KLHL24: variants seen among roughly 807,000 people sequenced by gnomAD.
KLHL24 encodes the protein kelch like family member 24.
Under a neutral mutation model 53.4 loss-of-function variants are expected in KLHL24, and 29 were observed. That is an observed-to-expected ratio of 0.54 (90% CI 0.40 to 0.74). The LOEUF (loss-of-function observed/expected upper bound fraction) is 0.74. Among genes scored for constraint, KLHL24 ranks in the 30% least tolerant of loss-of-function variants. The probability of loss-of-function intolerance (pLI) is 0.00; values close to 1 mark genes in which losing one functional copy is unlikely to be tolerated. For synonymous variants in KLHL24, 222 were observed against 253.7 expected (o/e 0.88, Z 1.19); for missense variants, 504 against 744.0 (o/e 0.68, Z 3.75).
intron 1 of KLHL24, among the ~76,000 whole-genome samples, chr3:183,636,861 G>A (rs927291157): frequency 9.2e-5 from 14 of 152,058 alleles, no homozygotes; most frequent in Middle Eastern, 3.2e-3. Flanking sequence ...CGGGCGGCTG[G>A]TAGCCTCGGT....
intron 1 of KLHL24, among the ~76,000 whole-genome samples, chr3:183,639,533 G>C (rs1715984349): frequency 6.6e-6 from 1 of 151,084 alleles, no homozygotes; most frequent in Non-Finnish European, 1.5e-5. Context: ...GGGAGGCTGA[G>C]GCAGGAGAAT....
chr3:183,662,638 G>A (rs1220055161), intron 3 of KLHL24, among the ~76,000 whole-genome samples: 4 of 152,136 alleles, frequency 2.6e-5, no homozygotes, highest in Non-Finnish European at 5.9e-5. Context: ...AGAGAAGCCA[G>A]TGATTAACAG....
rs1463744042 is a variant in KLHL24, at chr3:183,650,477, G to T, written c.121G>T (p.Asp41Tyr). ...PKSLTGHEFF[D>Y]FSSGSSHAEN... ...ATCTCTGACAGGTCATGAGTTTTTT[G>T]ACTTCTCTTCAGGATCATCCCATGC... The change falls in exon 3 of 8, where the codon GAC becomes TAC. Residue 41 changes from aspartate (D) to tyrosine (Y), a missense_variant. By Grantham distance (160) the Asp-to-Tyr change is radical. Coordinates refer to ENST00000242810, the MANE Select transcript of KLHL24 (RefSeq NM_017644.3). The surrounding 1 kb of genome is among the most constrained non-coding windows in gnomAD (Gnocchi z 4.5). The T allele has an allele frequency of 3.1e-6, 5 of 1,614,034 alleles. No homozygotes were observed. Among genetic ancestry groups the T allele is most frequent in the South Asian group, 2.2e-5 (2 of 91,076 alleles).
At chr3:183,654,285 A>T (rs1359836481) in intron 3 of KLHL24, among the ~76,000 whole-genome samples, 1 of 151,856 alleles carries the variant, frequency 6.6e-6, no homozygotes, top group African/African-American at 2.4e-5. Flanking sequence ...TTACTCCTAC[A>T]TCTAGTCTGA....
rs200091298 is a variant in KLHL24, at chr3:183,669,326, T to C, written c.1225-1708T>C. 1.2e-4 allele frequency among the ~76,000 whole-genome samples: 18 copies of C among 152,154 alleles called. No homozygotes were observed. The East Asian group carries it at 3.3e-3, about 28-fold the overall frequency. ...GAGATCACGCCATTGCACTCCAGCCTGGGCAACAAGAGCGAAACTCCGCCT... is the reference window on the plus strand; with the variant it reads ...GAGATCACGCCATTGCACTCCAGCCCGGGCAACAAGAGCGAAACTCCGCCT... On this transcript the variant is annotated intron_variant, in intron 5 of 7. Transcript: ENST00000242810.
Position 183,663,897 on chromosome 3 carries a change from C to A in KLHL24, c.1105+255C>A, listed in dbSNP as rs574847525. 6.2e-4 allele frequency among the ~76,000 whole-genome samples: 95 copies of A among 152,250 alleles called. No individual in the cohort carries two copies. Among genetic ancestry groups the A allele is most frequent in the African/African-American group, 2.2e-3 (92 of 41,542 alleles). ...CACCGGGTCAGGAGATCGAGACCAT[C>A]CTGGCCAACATGGTGAAACCCCATC... On this transcript the variant is annotated intron_variant, in intron 4 of 7. Coordinates refer to ENST00000242810, the MANE Select transcript of KLHL24 (RefSeq NM_017644.3). The surrounding 1 kb of genome is among the most constrained non-coding windows in gnomAD (Gnocchi z 4.9).
At chr3:183,645,666 T>C (rs6809751) in intron 2 of KLHL24, among the ~76,000 whole-genome samples, 48,355 of 152,142 alleles carry the variant, frequency 0.32, 8,211 homozygotes, top group East Asian at 0.47. Context: ...TTCATTTAGG[T>C]ATTAAAATTA....
intron 3 of KLHL24, among the ~76,000 whole-genome samples, chr3:183,661,495 A>T (rs560617303): frequency 1.3e-4 from 20 of 152,342 alleles, no homozygotes; most frequent in African/African-American, 4.8e-4. Context: ...AACATCAGAT[A>T]TATCTAATTA....
rs564764544 is a variant in KLHL24 at position 183,640,460 on chromosome 3, A to G, written c.-124-3020A>G. Among the ~76,000 whole-genome samples the G allele has an allele frequency of 3.3e-5, 5 of 152,314 alleles. No individual in the cohort carries two copies. The South Asian group carries it at 1.0e-3, about 32-fold the overall frequency. ...ACAGCTATCTGTTTTGTTTCTCATC[A>G]AGCAAAGTCATATAGTATATTGCCC... On this transcript the variant is annotated intron_variant, in intron 1 of 7. Transcript: ENST00000242810.
Position 183,663,538 on chromosome 3 carries a change from G to A in KLHL24, c.1001G>A (p.Cys334Tyr). The change falls in exon 4 of 8, where the codon TGC (cysteine) becomes TAC (tyrosine). Residue 334 changes from cysteine to tyrosine, a missense_variant. Coordinates refer to ENST00000242810, the MANE Select transcript of KLHL24 (RefSeq NM_017644.3). The surrounding 1 kb of genome is among the most constrained non-coding windows in gnomAD (Gnocchi z 4.9). The part of the protein sequence containing the change: ...VGGFNLPYTE[C>Y]YDPVTGEWKS... Reference sequence around the variant, plus strand: ...GGATTTAATCTTCCATACACTGAGTGCTACGATCCTGTAACAGGAGAATGG... The same window carrying A: ...GGATTTAATCTTCCATACACTGAGTACTACGATCCTGTAACAGGAGAATGG... 6.2e-7 allele frequency: 1 copy of A among 1,609,348 alleles called. No individual in the cohort carries two copies. Among genetic ancestry groups the A allele is most frequent in the African/African-American group, 1.3e-5 (1 of 74,932 alleles).
Position 183,679,514 on chromosome 3 carries a change from C to A in KLHL24, c.*228C>A. On this transcript the variant is annotated 3_prime_UTR_variant, in exon 8 of 8. Coordinates refer to ENST00000242810, the MANE Select transcript of KLHL24 (RefSeq NM_017644.3). ...AAAGGTAATGGTGGTTGTTACTTGG[C>A]CTTTGAAGAGTGTACCTTTGTAAGT... 1 of 490,250 alleles carries A rather than the reference C, an allele frequency of 2.0e-6. No individual in the cohort carries two copies. The highest frequency in any genetic ancestry group is 3.6e-6 in the Non-Finnish European group (1 of 275,482). 30.4% of individuals were successfully genotyped at this position (490,250 alleles called of 1,614,324 possible).
chr3:183,638,355 A>C (rs1186030070), intron 1 of KLHL24, among the ~76,000 whole-genome samples: 2 of 152,168 alleles, frequency 1.3e-5, no homozygotes, highest in African/African-American at 4.8e-5. Flanking sequence ...ACTTTTTTTA[A>C]CTTCCTTTTC....
At chr3:183,668,381 A>T (rs1411178682) in intron 5 of KLHL24, among the ~76,000 whole-genome samples, 1 of 152,208 alleles carries the variant, frequency 6.6e-6, no homozygotes, top group Non-Finnish European at 1.5e-5. Context: ...AAAGCTTAGA[A>T]GCACTAAATC....
intron 7 of KLHL24, among the ~76,000 whole-genome samples, chr3:183,673,188 A>G (rs1404866641): frequency 6.6e-6 from 1 of 152,164 alleles, no homozygotes; most frequent in Non-Finnish European, 1.5e-5. Context: ...CCTGGGCAAC[A>G]GAGTGAGACT....
In KLHL24 at chr3:183,681,775, G is replaced by T. The variant is rs1293023202; in HGVS notation, c.*2489G>T. ...TAAAATAAAAAAGAATTTTAGAGTA[G>T]AATTAATATATCAAAAGGGGTATAT... is the stretch of plus-strand genomic sequence containing the variant. On this transcript the variant is annotated 3_prime_UTR_variant, in exon 8 of 8. Coordinates refer to ENST00000242810, the MANE Select transcript of KLHL24 (RefSeq NM_017644.3). The T allele has an allele frequency of 1.3e-5, 2 of 152,316 alleles. No homozygotes were observed. Among genetic ancestry groups the T allele is most frequent in the African/African-American group, 4.8e-5 (2 of 41,398 alleles). The allele number at this position is 152,316 out of a possible 1,614,324, so 9.4% of individuals were successfully genotyped here.
chr3:183,646,807 C>A (rs1717311506), intron 2 of KLHL24, among the ~76,000 whole-genome samples: 1 of 151,836 alleles, frequency 6.6e-6, no homozygotes, highest in African/African-American at 2.4e-5. Context: ...TGTTTTATTG[C>A]AACTCTTTTT....
rs1258143740 is a variant in KLHL24, at chr3:183,683,776, T to A, written c.*4490T>A. 4 of 152,632 alleles carry A rather than the reference T, an allele frequency of 2.6e-5. No homozygotes were observed. The highest frequency in any genetic ancestry group is 9.6e-5 in the African/African-American group (4 of 41,452). The allele number at this position is 152,632 out of a possible 1,614,324, so 9.5% of individuals were successfully genotyped here. On this transcript the variant is annotated 3_prime_UTR_variant, in exon 8 of 8. Coordinates refer to ENST00000242810, the MANE Select transcript of KLHL24 (RefSeq NM_017644.3). ...CCTGAATTTGTTTATGTGCCTTAAGTTCTCTAGTGCTATTTCAACTTTTTT... is the reference window on the plus strand; with the variant it reads ...CCTGAATTTGTTTATGTGCCTTAAGATCTCTAGTGCTATTTCAACTTTTTT...
chr3:183,646,237 C>T (rs1717215680), intron 2 of KLHL24, among the ~76,000 whole-genome samples: 1 of 151,622 alleles, frequency 6.6e-6, no homozygotes, highest in African/African-American at 2.4e-5. Flanking sequence ...TGGCATGTGC[C>T]TGTAGTCCCA....
chr3:183,647,286 C>T (rs1183591520), intron 2 of KLHL24, among the ~76,000 whole-genome samples: 1 of 151,862 alleles, frequency 6.6e-6, no homozygotes, highest in Non-Finnish European at 1.5e-5. Context: ...TGTGGTGGTG[C>T]ACGCCTGTAG....
Sources: gnomAD v4.1 joint callset for allele counts (sites outside exome capture counted in the v4.1 genomes callset) on GRCh38, gnomAD v4.1.1 for gene constraint, Gnocchi (gnomAD v3.1) non-coding constraint, MANE v1.5 for transcripts, NCBI Gene and HGNC (gene_info 2026-07-23, HGNC 2026-07-21) for gene names.